Variants in FSTL4 observed in about 807,000 individuals in gnomAD.
FSTL4 encodes the protein follistatin-related protein 4.
Under a neutral mutation model 78.2 loss-of-function variants are expected in FSTL4, and 28 were observed. That is an observed-to-expected ratio of 0.36 (90% CI 0.27 to 0.49). The LOEUF is 0.49. Among genes scored for constraint, FSTL4 ranks in the 20% least tolerant of loss-of-function variants. The pLI, the probability that FSTL4 is intolerant of heterozygous loss-of-function variation, is 0.98. For synonymous variants in FSTL4, 422 were observed against 440.5 expected (o/e 0.96, Z 0.53); for missense variants, 922 against 1,084.9 (o/e 0.85, Z 2.11).
chr5:133,478,528 A>G (rs920560412), intron 3 of FSTL4, among the ~76,000 whole-genome samples: 3 of 152,192 alleles, frequency 2.0e-5, no homozygotes, highest in Non-Finnish European at 4.4e-5. Context: ...AGGCTTGCAA[A>G]TTTAATCTTA....
chr5:133,413,399 T>A (rs961823144), intron 3 of FSTL4, among the ~76,000 whole-genome samples: 5 of 152,178 alleles, frequency 3.3e-5, no homozygotes, highest in Admixed American at 6.5e-5. Flanking sequence ...TCTGGCTTTG[T>A]TGAGATGTTA....
intron 7 of FSTL4, chr5:133,248,769 T>A (rs1180822879): frequency 1.3e-5 from 2 of 152,446 alleles, no homozygotes. Context: ...GTTGCTTTCT[T>A]CTTCCACACA....
chr5:133,471,849 T>C (rs2112849140), intron 3 of FSTL4, among the ~76,000 whole-genome samples: 1 of 152,310 alleles, frequency 6.6e-6, no homozygotes, highest in Middle Eastern at 3.4e-3. Context: ...TTTTCTCTCC[T>C]GGATACACAG....
intron 2 of FSTL4, among the ~76,000 whole-genome samples, chr5:133,589,619 C>T (rs1365420376): frequency 2.0e-5 from 3 of 152,046 alleles, no homozygotes; most frequent in South Asian, 2.1e-4. Context: ...CTCATCTCTC[C>T]CCACAGAAGG....
At chr5:133,311,356 G>A (rs1279249802) in intron 6 of FSTL4, among the ~76,000 whole-genome samples, 1 of 152,110 alleles carries the variant, frequency 6.6e-6, no homozygotes, top group East Asian at 1.9e-4. Flanking sequence ...AGGATGACGG[G>A]GACCCTGCAC....
intron 4 of FSTL4, among the ~76,000 whole-genome samples, chr5:133,371,995 C>T (rs1023506112): frequency 2.4e-4 from 37 of 152,202 alleles, no homozygotes; most frequent in African/African-American, 8.9e-4. Flanking sequence ...AAACTGCTTC[C>T]AGGAGAGAGG....
At chr5:133,406,149 TGAG>T (rs940628967) in intron 3 of FSTL4, among the ~76,000 whole-genome samples, 1 of 152,172 alleles carries the variant, frequency 6.6e-6, no homozygotes, top group Non-Finnish European at 1.5e-5. Context: ...GAAGCCTCTT[TGAG>T]GAGGTGAGAT....
chr5:133,272,730 G>A (rs1752794422), intron 6 of FSTL4, among the ~76,000 whole-genome samples: 1 of 152,244 alleles, frequency 6.6e-6, no homozygotes, highest in Non-Finnish European at 1.5e-5. Context: ...GTCTGTAAAT[G>A]AGTGCGCTGC....
intron 3 of FSTL4, among the ~76,000 whole-genome samples, chr5:133,525,952 C>A (rs1378661334): frequency 6.6e-6 from 1 of 152,186 alleles, no homozygotes; most frequent in Non-Finnish European, 1.5e-5. Context: ...GCATGTATTA[C>A]ATGCTCAGCA....
chr5:133,746,052 T>C, the FSTL4 span, among the ~76,000 whole-genome samples: 1 of 152,214 alleles, frequency 6.6e-6, no homozygotes, highest in Non-Finnish European at 1.5e-5. Flanking sequence ...GCTAATAAAT[T>C]AGGCAAAACA....
intron 2 of FSTL4, among the ~76,000 whole-genome samples, chr5:133,572,868 G>A (rs1194470563): frequency 6.6e-6 from 1 of 152,124 alleles, no homozygotes; most frequent in Non-Finnish European, 1.5e-5. Context: ...AAAGGCAGAA[G>A]AGAAAAGGAA....
chr5:133,607,387 C>T (rs751929276), intron 1 of FSTL4, among the ~76,000 whole-genome samples: 4 of 152,076 alleles, frequency 2.6e-5, no homozygotes, highest in South Asian at 2.1e-4. Flanking sequence ...ATAGCAATTA[C>T]GATGTGTCAG....
chr5:133,378,276 A>C (rs934499125), intron 4 of FSTL4, among the ~76,000 whole-genome samples: 2 of 152,216 alleles, frequency 1.3e-5, no homozygotes, highest in Non-Finnish European at 2.9e-5. Context: ...TTGTTAGCTG[A>C]TTTTAAAAGC....
At chr5:133,446,973 GC>G (rs1212694282) in intron 3 of FSTL4, among the ~76,000 whole-genome samples, 1 of 152,158 alleles carries the variant, frequency 6.6e-6, no homozygotes, top group Non-Finnish European at 1.5e-5. Context: ...GCTCCTGTAG[GC>G]TGAAGAGAAA....
At chr5:133,311,466 G>T (rs553094761) in intron 6 of FSTL4, among the ~76,000 whole-genome samples, 1 of 152,248 alleles carries the variant, frequency 6.6e-6, no homozygotes, top group South Asian at 2.1e-4. Flanking sequence ...CAAGCTCATG[G>T]ACACTGCCCA....
chr5:133,629,282 T>G, the FSTL4 span, among the ~76,000 whole-genome samples: 11,311 of 152,042 alleles, frequency 0.074, 437 homozygotes, highest in South Asian at 0.17. Context: ...ATTTATTGAT[T>G]TGCATATATT....
chr5:133,554,291 G>T (rs757241621), intron 3 of FSTL4, among the ~76,000 whole-genome samples: 4 of 152,210 alleles, frequency 2.6e-5, no homozygotes, highest in Non-Finnish European at 5.9e-5. Context: ...GGACCACAGT[G>T]GTGGGCACAT....
At chr5:133,478,452 AAAT>A (rs141431252) in intron 3 of FSTL4, among the ~76,000 whole-genome samples, 17,348 of 152,244 alleles carry the variant, frequency 0.11, 1,292 homozygotes, top group Non-Finnish European at 0.16. Flanking sequence ...AGGCGGGGAT[AAAT>A]AATGCATTTT....
chr5:133,532,183 C>T (rs948940880), intron 3 of FSTL4, among the ~76,000 whole-genome samples: 6 of 152,116 alleles, frequency 3.9e-5, no homozygotes, highest in Non-Finnish European at 8.8e-5. Context: ...GATGTGGGGC[C>T]ACAAGCCAAG....
Sources: allele counts gnomAD v4.1 joint callset (sites outside exome capture counted in the v4.1 genomes callset), GRCh38; gene constraint gnomAD v4.1.1; transcripts MANE v1.5; gene names NCBI Gene and HGNC (gene_info 2026-07-23, HGNC 2026-07-21).